The following OPHN1 variants were observed in gnomAD, a reference collection of about 807,000 sequenced individuals.
OPHN1 encodes oligophrenin-1.
A neutral mutation model predicts 60.7 loss-of-function variants in OPHN1; 11 were observed. The observed-to-expected ratio is 0.18, with a 90% CI of 0.11 to 0.30. The LOEUF is 0.30. OPHN1 is among the 10% of genes least tolerant of loss of function. OPHN1 has a pLI of 1.00. For missense variants in OPHN1, 449 were observed against 611.0 expected (o/e 0.73, Z 2.80); for synonymous variants, 226 against 222.6 (o/e 1.02, Z -0.14).
intron 6 of OPHN1, among the ~76,000 whole-genome samples, chrX:68,222,671 C>T (rs965658477): frequency 3.8e-5 from 4 of 105,502 alleles, no homozygotes; most frequent in African/African-American, 1.0e-4. Flanking sequence ...AGTAAACTAT[C>T]GCAAGAACAA....
intron 2 of OPHN1, among the ~76,000 whole-genome samples, chrX:68,304,793 C>A (rs1387414161): frequency 9.0e-6 from 1 of 111,360 alleles, no homozygotes; most frequent in Non-Finnish European, 1.9e-5. Context: ...AAATCAACAG[C>A]TTAGCAGCCA....
intron 16 of OPHN1, among the ~76,000 whole-genome samples, chrX:68,117,189 C>T (rs1416077525): frequency 1.8e-5 from 2 of 111,075 alleles, no homozygotes; most frequent in Non-Finnish European, 3.8e-5. Flanking sequence ...TCCCCCTATA[C>T]TGATTCATGT....
chrX:68,169,766 A>T (rs1320399539), intron 15 of OPHN1, among the ~76,000 whole-genome samples: 1 of 105,705 alleles, frequency 9.5e-6, no homozygotes, highest in Non-Finnish European at 1.9e-5. Flanking sequence ...CTTACACCTT[A>T]TACAAAAATT....
At chrX:68,286,363 T>G (rs2078041275) in intron 3 of OPHN1, among the ~76,000 whole-genome samples, 1 of 111,637 alleles carries the variant, frequency 9.0e-6, no homozygotes, top group Non-Finnish European at 1.9e-5. Context: ...GGGCTCTCTG[T>G]GTATTGTGGG....
At chrX:68,100,640 C>T (rs1046227137) in intron 18 of OPHN1, among the ~76,000 whole-genome samples, 1 of 111,466 alleles carries the variant, frequency 9.0e-6, no homozygotes, top group Non-Finnish European at 1.9e-5. Context: ...ATAAAAAATT[C>T]TTCAAAAGGA....
At chrX:68,280,022 T>C (rs1206213475) in intron 4 of OPHN1, among the ~76,000 whole-genome samples, 3 of 111,646 alleles carry the variant, frequency 2.7e-5, no homozygotes, top group Non-Finnish European at 5.6e-5. Context: ...TGGGGGCAAA[T>C]GCCTTTGAAA....
chrX:68,330,102 T>G (rs2078287077), intron 2 of OPHN1, among the ~76,000 whole-genome samples: 1 of 110,536 alleles, frequency 9.0e-6, no homozygotes, highest in Admixed American at 9.7e-5. Context: ...TTCTTTTTTT[T>G]TTTCTTCCTT....
intron 9 of OPHN1, among the ~76,000 whole-genome samples, chrX:68,209,274 C>T (rs901804473): frequency 1.8e-5 from 2 of 112,194 alleles, no homozygotes; most frequent in Non-Finnish European, 3.8e-5. Context: ...AGTGACTAAA[C>T]AAGTTAACCC....
chrX:68,273,013 C>G (rs1190959610), intron 5 of OPHN1, among the ~76,000 whole-genome samples: 2 of 111,652 alleles, frequency 1.8e-5, no homozygotes, highest in Non-Finnish European at 3.8e-5. Flanking sequence ...ATGAGGGGAA[C>G]TCACTTTGCT....
intron 6 of OPHN1, among the ~76,000 whole-genome samples, chrX:68,222,813 G>C (rs1245101919): frequency 1.4e-5 from 1 of 73,387 alleles, no homozygotes; most frequent in Non-Finnish European, 2.6e-5. Context: ...AGCATCGGCA[G>C]ATATACCTAA....
intron 11 of OPHN1, among the ~76,000 whole-genome samples, chrX:68,201,143 A>G (rs184019201): frequency 4.0e-4 from 45 of 111,663 alleles, no homozygotes; most frequent in Non-Finnish European, 6.6e-4. Flanking sequence ...TAAAGTAGGG[A>G]AGGTCTGCAT....
intron 2 of OPHN1, among the ~76,000 whole-genome samples, chrX:68,365,149 A>G (rs1381748933): frequency 8.9e-6 from 1 of 112,052 alleles, no homozygotes; most frequent in Non-Finnish European, 1.9e-5. Flanking sequence ...AAATGCATTT[A>G]AACAAATAAA....
At chrX:68,086,181 CA>C (rs779219029) in intron 19 of OPHN1, among the ~76,000 whole-genome samples, 37 of 71,116 alleles carry the variant, frequency 5.2e-4, no homozygotes, top group African/African-American at 5.8e-4. Context: ...ACTCTGTCTC[CA>C]AAAAAAAAAA....
At position 68,153,502 on chromosome X, in the gene OPHN1, T is replaced by C. The variant is rs184258437; in HGVS notation, c.1277-34170A>G. Among the ~76,000 whole-genome samples, 275 of 111,879 alleles carry C rather than the reference T, an allele frequency of 2.5e-3. 1 individual carries two copies. Among genetic ancestry groups the C allele is most frequent in the Non-Finnish European group, 3.9e-3 (205 of 53,203 alleles). On this transcript the variant is annotated intron_variant, in intron 15 of 24. Transcript: ENST00000355520. ...AATAATATGACTGAATACCTTCTTT[T>C]ATCTGTAATTGTGGTAAGTATGAGG...
chrX:68,295,574 T>C (rs2078090685), intron 3 of OPHN1, among the ~76,000 whole-genome samples: 1 of 112,646 alleles, frequency 8.9e-6, no homozygotes, highest in Non-Finnish European at 1.9e-5. Flanking sequence ...TGGGATTTCC[T>C]TTGGTTACAG....
At chrX:68,062,282 T>C (rs375122454) in intron 21 of OPHN1, among the ~76,000 whole-genome samples, 2 of 112,286 alleles carry the variant, frequency 1.8e-5, no homozygotes, top group Admixed American at 1.9e-4. Context: ...AGACAGTTAA[T>C]ATTTTAGGCT....
chrX:68,253,052 T>TA (rs200109957), intron 5 of OPHN1, among the ~76,000 whole-genome samples: 9 of 106,357 alleles, frequency 8.5e-5, no homozygotes, highest in Admixed American at 3.0e-4. Context: ...AACAAGCAAG[T>TA]AAAAAAAAAA....
At chrX:68,329,216 C>G (rs2078282975) in intron 2 of OPHN1, among the ~76,000 whole-genome samples, 1 of 112,441 alleles carries the variant, frequency 8.9e-6, no homozygotes, top group Non-Finnish European at 1.9e-5. Flanking sequence ...CTGTACCCAG[C>G]CTCAAATCTT....
Position 68,197,988 on chromosome X carries a change from G to A in OPHN1, c.1026-724C>T, listed in dbSNP as rs191959530. Among the ~76,000 whole-genome samples the A allele has an allele frequency of 6.5e-3, 722 of 111,112 alleles. 9 individuals are homozygous for A. The highest frequency in any genetic ancestry group is 0.022 in the African/African-American group (680 of 30,554). ...ATATAGCAGGGAACTACTAGAGACA[G>A]GAATTAAATCCAGAAAGTCTGGTCC... On this transcript the variant is annotated intron_variant, in intron 11 of 24. Coordinates refer to ENST00000355520, the MANE Select transcript of OPHN1 (RefSeq NM_002547.3).
Sources: allele counts gnomAD v4.1 joint callset (sites outside exome capture counted in the v4.1 genomes callset), GRCh38; gene constraint gnomAD v4.1.1; transcripts MANE v1.5; gene names NCBI Gene and HGNC (gene_info 2026-07-23, HGNC 2026-07-21).